Variants in RPS6KA5 observed in about 807,000 individuals in gnomAD.
RPS6KA5 encodes the protein ribosomal protein S6 kinase A5.
A neutral mutation model predicts 85.5 loss-of-function variants in RPS6KA5; 27 were observed. The observed-to-expected ratio is 0.32, with a 90% confidence interval of 0.23 to 0.44. RPS6KA5 has a LOEUF of 0.44. RPS6KA5 is among the 20% of genes least tolerant of loss of function. The pLI, the probability that RPS6KA5 is intolerant of heterozygous loss-of-function variation, is 1.00. For synonymous variants in RPS6KA5, 334 were observed against 348.2 expected, an observed-to-expected ratio of 0.96 and a Z score of 0.46; for missense variants, 811 against 980.9, an observed-to-expected ratio of 0.83 and a Z score of 2.31.
intron 2 of RPS6KA5, among the ~76,000 whole-genome samples, chr14:90,983,817 G>GTCTCTCTCTCTCTC (rs531667852): frequency 9.0e-6 from 1 of 111,054 alleles, no homozygotes; most frequent in African/African-American, 3.8e-5. Context: ...CTCTCTCTCT[G>GTCTCTCTCTCTCTC]TCTCTCTCTC....
At chr14:90,916,782 G>C (rs1222138288) in intron 7 of RPS6KA5, among the ~76,000 whole-genome samples, 1 of 152,110 alleles carries the variant, frequency 6.6e-6, no homozygotes, top group African/African-American at 2.4e-5. Context: ...TTAAATTCTT[G>C]AAAAGTCTAT....
At chr14:90,937,750 A>G (rs1201406868) in intron 5 of RPS6KA5, among the ~76,000 whole-genome samples, 1 of 152,174 alleles carries the variant, frequency 6.6e-6, no homozygotes, top group Non-Finnish European at 1.5e-5. Flanking sequence ...CCCGTTTTTT[A>G]AACAGTCAGA....
At chr14:90,994,020 C>T (rs2040412170) in intron 2 of RPS6KA5, among the ~76,000 whole-genome samples, 1 of 152,020 alleles carries the variant, frequency 6.6e-6, no homozygotes, top group Admixed American at 6.6e-5. Flanking sequence ...TCCTGAATGG[C>T]TAGGACTACA....
At chr14:90,894,609 AG>A in intron 12 of RPS6KA5, 26 bp from the exon 13 acceptor site, 4 of 1,608,068 alleles carry the variant, frequency 2.5e-6, no homozygotes, top group Non-Finnish European at 2.6e-6. Context: ...AATAACGTGG[AG>A]GGCCTTCCTG....
intron 1 of RPS6KA5, among the ~76,000 whole-genome samples, chr14:91,032,638 A>G (rs2042230354): frequency 6.6e-6 from 1 of 152,206 alleles, no homozygotes; most frequent in South Asian, 2.1e-4. Flanking sequence ...CTTGACGGCT[A>G]TGGGTCCTGA....
chr14:90,993,923 A>G (rs2140540950), intron 2 of RPS6KA5, among the ~76,000 whole-genome samples: 1 of 148,916 alleles, frequency 6.7e-6, no homozygotes. Flanking sequence ...TTTTTTTTTG[A>G]GACAACCCAG....
intron 4 of RPS6KA5, among the ~76,000 whole-genome samples, chr14:90,945,443 CAAAT>C (rs925395564): frequency 2.0e-5 from 3 of 152,160 alleles, no homozygotes; most frequent in Admixed American, 1.3e-4. Flanking sequence ...ATTTTAGAAA[CAAAT>C]AATTTACTAT....
intron 1 of RPS6KA5, among the ~76,000 whole-genome samples, chr14:91,032,744 C>A: frequency 6.7e-6 from 1 of 150,060 alleles, no homozygotes; most frequent in African/African-American, 2.5e-5. Flanking sequence ...TCAAGAAAAG[C>A]AAGACTTCTG....
intron 5 of RPS6KA5, among the ~76,000 whole-genome samples, chr14:90,928,855 T>C (rs950948337): frequency 1.3e-5 from 2 of 151,976 alleles, no homozygotes; most frequent in Non-Finnish European, 2.9e-5. Flanking sequence ...CATTTCATGG[T>C]GCTAGGACAA....
At chr14:90,970,633 T>G (rs1465512588) in intron 3 of RPS6KA5, among the ~76,000 whole-genome samples, 2 of 152,110 alleles carry the variant, frequency 1.3e-5, no homozygotes, top group African/African-American at 4.8e-5. Context: ...CCAGAAAACA[T>G]CAAAAGAAAA....
chr14:91,010,617 G>A (rs2041217584), intron 1 of RPS6KA5, among the ~76,000 whole-genome samples: 1 of 152,148 alleles, frequency 6.6e-6, no homozygotes, highest in Non-Finnish European at 1.5e-5. Flanking sequence ...ATTTACACAG[G>A]AAGGTTGCAT....
At chr14:90,982,234 T>A (rs1378265928) in intron 2 of RPS6KA5, among the ~76,000 whole-genome samples, 2 of 152,028 alleles carry the variant, frequency 1.3e-5, no homozygotes, top group African/African-American at 4.8e-5. Flanking sequence ...ATCTTATTTT[T>A]AAAGTAATTT....
At chr14:90,964,914 C>CAAAAA (rs10713991) in intron 3 of RPS6KA5, among the ~76,000 whole-genome samples, 1 of 70,656 alleles carries the variant, frequency 1.4e-5, no homozygotes, top group African/African-American at 5.2e-5. Flanking sequence ...GACCCTGTCT[C>CAAAAA]AAAAAAAAAA....
intron 2 of RPS6KA5, among the ~76,000 whole-genome samples, chr14:90,981,820 A>G (rs1395833698): frequency 1.3e-5 from 2 of 152,264 alleles, no homozygotes; most frequent in Non-Finnish European, 2.9e-5. Context: ...ATTCCAAACA[A>G]TAAGTATTTC....
chr14:91,049,074 C>T (rs551980331), intron 1 of RPS6KA5, among the ~76,000 whole-genome samples: 75 of 152,268 alleles, frequency 4.9e-4, no homozygotes, highest in African/African-American at 1.8e-3. Flanking sequence ...ACAAACTATA[C>T]CTGAATCCCC....
At position 90,848,807 on chromosome 14, in the gene RPS6KA5, G is replaced by C. The variant is rs1446517076; in HGVS notation, c.*23267C>G. On this transcript the variant is annotated 3_prime_UTR_variant, in exon 17 of 17. Coordinates refer to ENST00000614987, the MANE Select transcript of RPS6KA5 (RefSeq NM_004755.4). ...ATTGATGTTTACACCAAAATAAGAA[G>C]AAATCATCTACTCCCAAAGCAAATC... The C allele has an allele frequency of 6.6e-6, 1 of 152,110 alleles. No individual in the cohort carries two copies. Among genetic ancestry groups the C allele is most frequent in the Non-Finnish European group, 1.5e-5 (1 of 68,020 alleles). The allele number at this position is 152,110 out of a possible 1,614,324, so 9.4% of individuals were successfully genotyped here. A position where few individuals can be genotyped will look rare whatever the true frequency, so the allele number is the denominator to read the frequency against.
At chr14:90,989,481 C>A (rs1566833042) in intron 2 of RPS6KA5, among the ~76,000 whole-genome samples, 1 of 152,110 alleles carries the variant, frequency 6.6e-6, no homozygotes, top group Non-Finnish European at 1.5e-5. Flanking sequence ...AAGTACATGA[C>A]CATTTATGAT....
intron 5 of RPS6KA5, among the ~76,000 whole-genome samples, chr14:90,929,288 A>G (rs1376461699): frequency 6.6e-6 from 1 of 152,088 alleles, no homozygotes; most frequent in African/African-American, 2.4e-5. Flanking sequence ...AAACACACAG[A>G]AACTAAAAGG....
chr14:91,037,960 G>C (rs1318632920), intron 1 of RPS6KA5, among the ~76,000 whole-genome samples: 3 of 152,190 alleles, frequency 2.0e-5, no homozygotes, highest in African/African-American at 7.2e-5. Flanking sequence ...AAACATCCCT[G>C]ATTAGGCTAT....
Sources: gnomAD v4.1 joint callset for allele counts (sites outside exome capture counted in the v4.1 genomes callset) on GRCh38, gnomAD v4.1.1 for gene constraint, MANE v1.5 for transcripts, NCBI Gene and HGNC (gene_info 2026-07-23, HGNC 2026-07-21) for gene names.